Variants in CNTN5 observed in about 807,000 individuals in gnomAD.
CNTN5 encodes contactin-5.
A neutral mutation model predicts 129.1 loss-of-function variants in CNTN5; 77 were observed. The ratio of observed to expected loss-of-function variants is 0.60; its 90% CI spans 0.50 to 0.72. The LOEUF (loss-of-function observed/expected upper bound fraction) is 0.72, where lower values mean the gene tolerates loss of function less well. CNTN5 is among the 30% of genes least tolerant of loss of function. The probability of loss-of-function intolerance (pLI) is 0.00; values close to 1 mark genes in which losing one functional copy is unlikely to be tolerated. For synonymous variants in CNTN5, 509 were observed against 465.6 expected, an observed-to-expected ratio of 1.09 and a Z score of -1.20; for missense variants, 1,478 against 1,328.8, an observed-to-expected ratio of 1.11 and a Z score of -1.75.
intron 3 of CNTN5, among the ~76,000 whole-genome samples, chr11:99,750,064 T>A (rs1944181062): frequency 6.6e-6 from 1 of 152,192 alleles, no homozygotes; most frequent in South Asian, 2.1e-4. Flanking sequence ...TTGGCTCGTC[T>A]GTGGATTGAT....
chr11:99,670,179 G>A (rs1321097520), intron 3 of CNTN5, among the ~76,000 whole-genome samples: 1 of 152,046 alleles, frequency 6.6e-6, no homozygotes, highest in African/African-American at 2.4e-5. Flanking sequence ...AAATTAATAG[G>A]AAGTATTCTT....
At chr11:99,170,015 G>A (rs1861067781) in intron 1 of CNTN5, among the ~76,000 whole-genome samples, 1 of 151,940 alleles carries the variant, frequency 6.6e-6, no homozygotes, top group Non-Finnish European at 1.5e-5. Context: ...ATTACTTCTT[G>A]TTTTCCAGAT....
intron 3 of CNTN5, among the ~76,000 whole-genome samples, chr11:99,755,679 C>T (rs1944383191): frequency 6.6e-6 from 1 of 151,764 alleles, no homozygotes; most frequent in Admixed American, 6.6e-5. Flanking sequence ...TCTCACTTTC[C>T]TGCAAGTGTC....
chr11:100,257,569 T>G (rs921718552), intron 17 of CNTN5, among the ~76,000 whole-genome samples: 1 of 152,108 alleles, frequency 6.6e-6, no homozygotes, highest in Non-Finnish European at 1.5e-5. Flanking sequence ...GGTGCACCTA[T>G]GGGACTAAGC....
intron 1 of CNTN5, among the ~76,000 whole-genome samples, chr11:99,177,664 T>TA (rs1857844299): frequency 1.3e-5 from 2 of 152,164 alleles, no homozygotes; most frequent in African/African-American, 4.8e-5. Context: ...AGTACATAGT[T>TA]ACGTGTCTGG....
intron 24 of CNTN5, among the ~76,000 whole-genome samples, chr11:100,353,465 A>C (rs2139044803): frequency 6.6e-6 from 1 of 151,696 alleles, no homozygotes. Context: ...TGTAGATTCT[A>C]TTTGAAATTT....
At chr11:99,036,096 G>GC (rs1469392473) in intron 1 of CNTN5, among the ~76,000 whole-genome samples, 1 of 151,910 alleles carries the variant, frequency 6.6e-6, no homozygotes, top group Non-Finnish European at 1.5e-5. Context: ...TTGAATATTG[G>GC]CCCCCACTCT....
At chr11:100,316,418 T>A (rs1951573425) in intron 21 of CNTN5, among the ~76,000 whole-genome samples, 1 of 152,106 alleles carries the variant, frequency 6.6e-6, no homozygotes. Flanking sequence ...GAAGTTGAAG[T>A]AAACAAAAAA....
chr11:99,499,736 T>C (rs900010849), intron 2 of CNTN5, among the ~76,000 whole-genome samples: 1 of 152,252 alleles, frequency 6.6e-6, no homozygotes, highest in Non-Finnish European at 1.5e-5. Context: ...ACACATGTCA[T>C]ATTTCCTTTT....
intron 2 of CNTN5, among the ~76,000 whole-genome samples, chr11:99,530,088 A>G (rs1327200431): frequency 1.3e-5 from 2 of 152,054 alleles, no homozygotes; most frequent in Non-Finnish European, 2.9e-5. Context: ...ATGTGTTGTG[A>G]TGTTTTTCCC....
At chr11:100,145,518 G>A (rs187917842) in intron 13 of CNTN5, among the ~76,000 whole-genome samples, 433 of 152,254 alleles carry the variant, frequency 2.8e-3, no homozygotes, top group Admixed American at 6.2e-3. Flanking sequence ...AATGGAAACT[G>A]GGACTTGACA....
At chr11:99,930,008 T>G (rs1235660561) in intron 7 of CNTN5, among the ~76,000 whole-genome samples, 2 of 152,186 alleles carry the variant, frequency 1.3e-5, no homozygotes, top group Non-Finnish European at 2.9e-5. Flanking sequence ...TCAGTGCTCT[T>G]ATAGACTTAT....
intron 3 of CNTN5, among the ~76,000 whole-genome samples, chr11:99,755,004 G>C (rs1252119292): frequency 6.6e-6 from 1 of 152,002 alleles, no homozygotes; most frequent in Non-Finnish European, 1.5e-5. Flanking sequence ...ATTATAGTTG[G>C]AATCATACAG....
Position 99,450,652 on chromosome 11 carries a change from C to T in CNTN5, c.-70-105493C>T, listed in dbSNP as rs543779798. ...ACTAAACCCAGTCCAGACCTTATTG[C>T]ACTATATTGTACTGCCATCTCCATC... On this transcript the variant is annotated intron_variant, in intron 2 of 24. Transcript: ENST00000524871. Among the ~76,000 whole-genome samples the T allele has an allele frequency of 1.9e-4, 29 of 152,102 alleles. No homozygotes were observed. In the South Asian group the frequency reaches 5.8e-3, roughly 30 times the overall value.
At chr11:99,778,354 A>C (rs1024858992) in intron 3 of CNTN5, among the ~76,000 whole-genome samples, 1 of 151,818 alleles carries the variant, frequency 6.6e-6, no homozygotes, top group African/African-American at 2.4e-5. Context: ...CTTACTCTAA[A>C]ACCACAGTTA....
At chr11:99,282,692 G>T (rs1863754239) in intron 1 of CNTN5, among the ~76,000 whole-genome samples, 1 of 152,040 alleles carries the variant, frequency 6.6e-6, no homozygotes, top group Non-Finnish European at 1.5e-5. Flanking sequence ...AGTTACCACT[G>T]ACTGTTGTGT....
chr11:99,885,671 G>A (rs1259301162), intron 6 of CNTN5, among the ~76,000 whole-genome samples: 1 of 152,196 alleles, frequency 6.6e-6, no homozygotes, highest in East Asian at 1.9e-4. Flanking sequence ...ACGCATCACT[G>A]CACATAATAA....
chr11:99,367,958 C>T (rs1939560859), intron 2 of CNTN5, among the ~76,000 whole-genome samples: 1 of 152,030 alleles, frequency 6.6e-6, no homozygotes, highest in Admixed American at 6.6e-5. Flanking sequence ...TATCCCAATT[C>T]CTGAAATTTA....
At chr11:100,053,215 C>T (rs929040649) in intron 9 of CNTN5, among the ~76,000 whole-genome samples, 3 of 151,182 alleles carry the variant, frequency 2.0e-5, no homozygotes, top group Non-Finnish European at 3.0e-5. Context: ...AGACAGAAAA[C>T]GAAAAACCAC....
Sources: gnomAD v4.1 joint callset for allele counts (sites outside exome capture counted in the v4.1 genomes callset) on GRCh38, gnomAD v4.1.1 for gene constraint, MANE v1.5 for transcripts, NCBI Gene and HGNC (gene_info 2026-07-23, HGNC 2026-07-21) for gene names.